The following RBMS3 variants were observed in gnomAD, a reference collection of about 807,000 sequenced individuals.
The protein encoded by RBMS3 is RNA-binding motif, single-stranded-interacting protein 3.
A neutral mutation model predicts 66.8 loss-of-function variants in RBMS3; 27 were observed. The observed-to-expected ratio is 0.40, with a 90% CI of 0.30 to 0.56. The LOEUF (loss-of-function observed/expected upper bound fraction) is 0.56, where lower values mean the gene tolerates loss of function less well. RBMS3 is among the 20% of genes least tolerant of loss of function. The pLI is 0.40. For synonymous variants in RBMS3, 188 were observed against 183.0 expected (o/e 1.03, Z -0.22); for missense variants, 513 against 549.5 (o/e 0.93, Z 0.66).
In RBMS3 at chr3:29,838,213, C is replaced by T. The variant is rs1015335727; in HGVS notation, c.638-30645C>T. Among the ~76,000 whole-genome samples, 3 of 149,230 alleles carry T rather than the reference C, an allele frequency of 2.0e-5. No individual in the cohort carries two copies. The South Asian group carries it at 6.4e-4, about 32-fold the overall frequency. On this transcript the variant is annotated intron_variant, in intron 6 of 14. Transcript: ENST00000383767. ...AAAAAGCCAGCTGTGATGGTGTGCA[C>T]CTGAAATCCCACCTACTGAGGAGGC...
chr3:29,396,623 TA>T (rs1402660905), intron 1 of RBMS3, among the ~76,000 whole-genome samples: 3 of 152,120 alleles, frequency 2.0e-5, no homozygotes, highest in Non-Finnish European at 4.4e-5. Context: ...TTTAGATAGT[TA>T]GATGGACAAA....
At chr3:29,763,643 T>TA (rs1454813997) in intron 6 of RBMS3, among the ~76,000 whole-genome samples, 2 of 152,106 alleles carry the variant, frequency 1.3e-5, no homozygotes, top group African/African-American at 4.8e-5. Flanking sequence ...GTTCTAATTT[T>TA]ATGCTATTAA....
chr3:29,489,989 G>A (rs1436099213), intron 3 of RBMS3, among the ~76,000 whole-genome samples: 6 of 143,630 alleles, frequency 4.2e-5, no homozygotes, highest in Non-Finnish European at 7.5e-5. Context: ...GTTGCAGTGA[G>A]CCGAGATTGC....
At chr3:29,303,107 C>T (rs2033787489) in intron 1 of RBMS3, among the ~76,000 whole-genome samples, 1 of 152,010 alleles carries the variant, frequency 6.6e-6, no homozygotes, top group Non-Finnish European at 1.5e-5. Context: ...CCAACAGCCA[C>T]ACCTCAATGG....
chr3:29,364,928 G>C (rs979304741), intron 1 of RBMS3, among the ~76,000 whole-genome samples: 1 of 152,084 alleles, frequency 6.6e-6, no homozygotes, highest in Non-Finnish European at 1.5e-5. Flanking sequence ...AAAATAATTT[G>C]TGGAGTTTGG....
At chr3:29,856,504 T>C (rs1033865189) in intron 6 of RBMS3, among the ~76,000 whole-genome samples, 2 of 152,182 alleles carry the variant, frequency 1.3e-5, no homozygotes, top group African/African-American at 4.8e-5. Flanking sequence ...TTGGACGTTA[T>C]CCGATAGGTG....
intron 2 of RBMS3, among the ~76,000 whole-genome samples, chr3:29,482,293 C>G (rs933561601): frequency 1.3e-5 from 2 of 152,152 alleles, no homozygotes; most frequent in Admixed American, 6.5e-5. Context: ...CCAAGAGTTA[C>G]TAATTCTGAG....
chr3:29,545,122 A>G (rs889050635), intron 3 of RBMS3, among the ~76,000 whole-genome samples: 1 of 152,162 alleles, frequency 6.6e-6, no homozygotes, highest in African/African-American at 2.4e-5. Context: ...GAAATAAATT[A>G]TGTATATTAT....
chr3:29,968,229 AG>A (rs1228287843), intron 12 of RBMS3, among the ~76,000 whole-genome samples: 1 of 152,112 alleles, frequency 6.6e-6, no homozygotes, highest in African/African-American at 2.4e-5. Flanking sequence ...TTCCAGGTGG[AG>A]GGCGAGACAG....
In RBMS3 at chr3:29,885,232, A is replaced by G. The variant is rs935042902; in HGVS notation, c.791+1024A>G. ...AGGCTCACAATCTACTCGTCCATGA[A>G]AAAGTAAACATTAATGGTAGACTAG... On this transcript the variant is annotated intron_variant, in intron 8 of 14. Coordinates refer to ENST00000383767, the MANE Select transcript of RBMS3 (RefSeq NM_001003793.3). 3.9e-5 allele frequency among the ~76,000 whole-genome samples: 6 copies of G among 152,036 alleles called. No individual in the cohort carries two copies. In the East Asian group the frequency reaches 1.2e-3, roughly 30 times the overall value.
At chr3:29,836,764 C>A (rs2058519253) in intron 6 of RBMS3, among the ~76,000 whole-genome samples, 1 of 149,258 alleles carries the variant, frequency 6.7e-6, no homozygotes, top group South Asian at 2.1e-4. Context: ...ATTAGCTTGA[C>A]TGTGGTAACC....
intron 1 of RBMS3, among the ~76,000 whole-genome samples, chr3:29,411,604 G>A (rs1322428271): frequency 6.6e-6 from 1 of 151,772 alleles, no homozygotes; most frequent in Non-Finnish European, 1.5e-5. Context: ...TGTCTTGCCA[G>A]AGAGAGAGAG....
intron 3 of RBMS3, among the ~76,000 whole-genome samples, chr3:29,547,025 G>A (rs2045980168): frequency 1.3e-5 from 2 of 151,920 alleles, no homozygotes; most frequent in Non-Finnish European, 2.9e-5. Context: ...ACCCAGGCTG[G>A]AGTGCAATAG....
chr3:29,944,395 G>C, intron 12 of RBMS3, 141 bp downstream of exon 12: 1 of 634,302 alleles, frequency 1.6e-6, no homozygotes, highest in Non-Finnish European at 2.8e-6. Context: ...AAGGGGGCAT[G>C]TGTAGTTCAG....
At chr3:29,908,378 C>T (rs780167395) in intron 10 of RBMS3, among the ~76,000 whole-genome samples, 10 of 152,076 alleles carry the variant, frequency 6.6e-5, no homozygotes, top group Admixed American at 2.6e-4. Flanking sequence ...TGAAATGCCA[C>T]GGTCTTAACA....
chr3:29,327,339 G>A (rs190338245), intron 1 of RBMS3, among the ~76,000 whole-genome samples: 3 of 152,156 alleles, frequency 2.0e-5, no homozygotes, highest in Admixed American at 1.3e-4. Context: ...TGAAAAAATC[G>A]TGATTGTTCC....
Position 29,542,400 on chromosome 3 carries a change from G to T in RBMS3, c.308-44714G>T, listed in dbSNP as rs544466815. On this transcript the variant is annotated intron_variant, in intron 3 of 14. Transcript: ENST00000383767. ...GTTTGAGAAAGAGTCTCACCCAGTC[G>T]CCTAGGCTGGAGTACAATGGTGCAA... 8.6e-5 allele frequency among the ~76,000 whole-genome samples: 13 copies of T among 151,998 alleles called. No homozygotes were observed. The South Asian group carries it at 2.7e-3, about 32-fold the overall frequency.
At chr3:29,701,947 G>A (rs996940280) in intron 4 of RBMS3, among the ~76,000 whole-genome samples, 1 of 152,200 alleles carries the variant, frequency 6.6e-6, no homozygotes, top group African/African-American at 2.4e-5. Flanking sequence ...GGACTGGTGG[G>A]CAGCTCTGCC....
At chr3:29,629,839 C>T (rs1256708916) in intron 4 of RBMS3, among the ~76,000 whole-genome samples, 5 of 152,044 alleles carry the variant, frequency 3.3e-5, no homozygotes, top group East Asian at 3.9e-4. Flanking sequence ...TCTAGACTAA[C>T]GTGAATTTCT....
Sources: gnomAD v4.1 joint callset for allele counts (sites outside exome capture counted in the v4.1 genomes callset) on GRCh38, gnomAD v4.1.1 for gene constraint, MANE v1.5 for transcripts, NCBI Gene and HGNC (gene_info 2026-07-23, HGNC 2026-07-21) for gene names.